PTPN14: variants seen among roughly 807,000 people sequenced by gnomAD.
PTPN14 encodes tyrosine-protein phosphatase non-receptor type 14.
In PTPN14, 53 loss-of-function variants were observed where a neutral mutation model predicts 126.8. The observed-to-expected ratio is 0.42, with a 90% CI of 0.34 to 0.53. The LOEUF is 0.53. Ranked by LOEUF, PTPN14 falls within the 20% of genes least tolerant of loss-of-function variation. PTPN14 has a pLI of 0.08. For synonymous variants in PTPN14, 630 were observed against 599.3 expected (o/e 1.05, Z -0.75); for missense variants, 1,257 against 1,552.9 (o/e 0.81, Z 3.20).
intron 1 of PTPN14, 83 bp from the exon 2 acceptor site, chr1:214,465,040 C>T: frequency 2.6e-6 from 1 of 389,006 alleles, no homozygotes; most frequent in Non-Finnish European, 4.7e-6. Flanking sequence ...CAGAAGCCCC[C>T]CCCCCCCCCC....
intron 1 of PTPN14, among the ~76,000 whole-genome samples, chr1:214,495,851 T>A (rs61651218): frequency 6.6e-6 from 1 of 151,948 alleles, no homozygotes; most frequent in African/African-American, 2.4e-5. Context: ...CACGCCACCA[T>A]GCCCAGCTAA....
At chr1:214,530,057 A>T (rs989011030) in intron 1 of PTPN14, 2 of 152,190 alleles carry the variant, frequency 1.3e-5, no homozygotes, top group African/African-American at 4.8e-5. Flanking sequence ...GTATGTTAAA[A>T]CAGACTAATA....
At chr1:214,417,653 C>A (rs1435732289) in intron 3 of PTPN14, among the ~76,000 whole-genome samples, 9 of 152,230 alleles carry the variant, frequency 5.9e-5, no homozygotes, top group Admixed American at 3.3e-4. Flanking sequence ...AGGAATTTAT[C>A]TCAGCACGTC....
intron 1 of PTPN14, among the ~76,000 whole-genome samples, chr1:214,499,928 T>C (rs7533482): frequency 0.3 from 44,833 of 151,612 alleles, 8,267 homozygotes; most frequent in African/African-American, 0.53. Context: ...GTGACACTTC[T>C]GTGCCAGCAG....
intron 3 of PTPN14, among the ~76,000 whole-genome samples, chr1:214,417,486 G>A (rs1385705031): frequency 1.3e-5 from 2 of 152,042 alleles, no homozygotes; most frequent in Non-Finnish European, 2.9e-5. Context: ...GAAAAATCAA[G>A]TTTGAAAAAA....
chr1:214,509,068 G>T (rs889824404), intron 1 of PTPN14, among the ~76,000 whole-genome samples: 2 of 152,158 alleles, frequency 1.3e-5, no homozygotes, highest in Admixed American at 1.3e-4. Context: ...TAGGATTTGG[G>T]GAATGATCAA....
intron 1 of PTPN14, among the ~76,000 whole-genome samples, chr1:214,500,659 C>G (rs1250559475): frequency 6.6e-5 from 10 of 152,072 alleles, no homozygotes; most frequent in Admixed American, 6.6e-4. Context: ...CAGGTTTCAC[C>G]AGATTTTAAC....
intron 1 of PTPN14, among the ~76,000 whole-genome samples, chr1:214,541,560 T>C (rs1655837085): frequency 6.6e-6 from 1 of 152,208 alleles, no homozygotes; most frequent in African/African-American, 2.4e-5. Context: ...CGGAATTAAA[T>C]GTAAACTCCA....
chr1:214,441,048 G>C (rs1304560292), intron 3 of PTPN14, among the ~76,000 whole-genome samples: 3 of 152,166 alleles, frequency 2.0e-5, no homozygotes, highest in Non-Finnish European at 2.9e-5. Context: ...GATAAAGCCA[G>C]TGAAGAAAGG....
intron 2 of PTPN14, among the ~76,000 whole-genome samples, chr1:214,454,514 TAC>T (rs1284998495): frequency 1.3e-5 from 2 of 152,226 alleles, no homozygotes; most frequent in East Asian, 3.9e-4. Flanking sequence ...ATGGAATATA[TAC>T]ACACGAACAT....
Position 214,464,632 on chromosome 1 carries a change from C to G in PTPN14, c.172G>C (p.Glu58Gln). 1 of 1,614,016 alleles carries G rather than the reference C, an allele frequency of 6.2e-7. No homozygotes were observed. Among genetic ancestry groups the G allele is most frequent in the Non-Finnish European group, 8.5e-7 (1 of 1,179,840 alleles). Residue 58 changes from glutamate (E) to glutamine (Q), a missense_variant and splice_region_variant, in exon 2 of 19, where the codon GAG becomes CAG. Physicochemically the swap from Glu to Gln is conservative, Grantham distance 29. Around this residue, in one of 3 missense-constraint regions of PTPN14, gnomAD observed 1,021 missense variants for 1,183.3 expected, o/e 0.86. Coordinates refer to ENST00000366956, the MANE Select transcript of PTPN14 (RefSeq NM_005401.5). ...GCACACAGACACACCCCTCTTACCTCTCGCAGCTCCAGCCTCTGGGCCACA... is the reference window on the plus strand; with the variant it reads ...GCACACAGACACACCCCTCTTACCTGTCGCAGCTCCAGCCTCTGGGCCACA... ...EAVAQRLELRETHYFGLWFLS... is the reference protein window; with the variant it reads ...EAVAQRLELRQTHYFGLWFLS...
At chr1:214,543,318 G>A (rs1349257440) in intron 1 of PTPN14, among the ~76,000 whole-genome samples, 1 of 152,040 alleles carries the variant, frequency 6.6e-6, no homozygotes, top group South Asian at 2.1e-4. Flanking sequence ...TCCTAGACTT[G>A]AAAATGAGAG....
Position 214,383,192 on chromosome 1 carries a change from A to T in PTPN14, c.2544+119T>A. 7.9e-7 allele frequency: 1 copy of T among 1,273,082 alleles called. No individual in the cohort carries two copies. Among genetic ancestry groups the T allele is most frequent in the Non-Finnish European group, 1.1e-6 (1 of 922,016 alleles). The allele number at this position is 1,273,082 out of a possible 1,614,324, so 78.9% of individuals were successfully genotyped here. A position where few individuals can be genotyped will look rare whatever the true frequency, so the allele number is the denominator to read the frequency against. On this transcript the variant is annotated intron_variant, in intron 13 of 18. Transcript: ENST00000366956. The surrounding 1 kb of genome is among the most constrained non-coding windows in gnomAD (Gnocchi z 4.4). ...TTTGTGTAATAAAGTACTACCTTTT[A>T]AATGCTCAATGATTCCTTAAAAACC...
At chr1:214,547,874 C>G (rs11811925) in intron 1 of PTPN14, among the ~76,000 whole-genome samples, 7,031 of 151,224 alleles carry the variant, frequency 0.046, 545 homozygotes, top group African/African-American at 0.16. Flanking sequence ...CACATGGCAG[C>G]TGCCAGCCAA....
intron 1 of PTPN14, among the ~76,000 whole-genome samples, chr1:214,478,294 T>C (rs576745597): frequency 6.6e-4 from 101 of 152,230 alleles, no homozygotes; most frequent in Non-Finnish European, 1.4e-3. Flanking sequence ...TCTGCAGTTA[T>C]TAAAAATGAG....
At chr1:214,360,892 G>GC (rs1657940306) in intron 18 of PTPN14, among the ~76,000 whole-genome samples, 1 of 152,166 alleles carries the variant, frequency 6.6e-6, no homozygotes, top group Non-Finnish European at 1.5e-5. Context: ...GAACATGGGG[G>GC]CAGATTTCCC....
rs1380433243 is a variant in PTPN14 at position 214,372,885 on chromosome 1, A to C, written c.2908-46T>G. On this transcript the variant is annotated intron_variant, in intron 15 of 18. Coordinates refer to ENST00000366956, the MANE Select transcript of PTPN14 (RefSeq NM_005401.5). The stretch of plus-strand genomic sequence containing the variant: ...CGGTAAATAAACCCCAAGTCCGGAC[A>C]ACATTACCTGCTGATCACCTGTCCA... 1.9e-6 allele frequency: 3 copies of C among 1,607,648 alleles called. No individual in the cohort carries two copies. In the African/African-American group the frequency reaches 4.0e-5, roughly 21 times the overall value.
intron 1 of PTPN14, among the ~76,000 whole-genome samples, chr1:214,481,345 A>G (rs542195681): frequency 1.3e-5 from 2 of 151,866 alleles, no homozygotes; most frequent in South Asian, 4.2e-4. Flanking sequence ...CATCTCTACT[A>G]AAAATACAAA....
intron 3 of PTPN14, among the ~76,000 whole-genome samples, chr1:214,430,901 C>T (rs1332214814): frequency 6.6e-6 from 1 of 152,176 alleles, no homozygotes; most frequent in African/African-American, 2.4e-5. Context: ...AAACCCCATT[C>T]AGGACAGGAC....
Sources: allele counts gnomAD v4.1 joint callset (sites outside exome capture counted in the v4.1 genomes callset), GRCh38; gene constraint gnomAD v4.1.1; regional missense constraint gnomAD v4.1.1; non-coding constraint Gnocchi (gnomAD v3.1); transcripts MANE v1.5; gene names NCBI Gene and HGNC (gene_info 2026-07-23, HGNC 2026-07-21).